The following SOCS2 variants were observed in gnomAD, a reference collection of about 807,000 sequenced individuals.
SOCS2 encodes suppressor of cytokine signaling 2.
SOCS2 carries 10 observed loss-of-function variants against 18.6 expected under a neutral mutation model. That is an observed-to-expected ratio of 0.54 (90% CI 0.33 to 0.91). The LOEUF (loss-of-function observed/expected upper bound fraction) is 0.91, where lower values mean the gene tolerates loss of function less well. SOCS2 is among the 40% of genes least tolerant of loss of function. SOCS2 has a pLI of 0.02. For synonymous variants in SOCS2, 104 were observed against 104.0 expected (o/e 1.00, Z 0.00); for missense variants, 231 against 247.2 (o/e 0.93, Z 0.44).
In SOCS2 at chr12:93,576,732, A is replaced by T. The variant is rs1954471491; in HGVS notation, c.*1553A>T. ...AAATTCAGTTATAAATTGTAATAAA[A>T]CCTGCTTACTGGATATCTTACCTTA... On this transcript the variant is annotated 3_prime_UTR_variant, in exon 2 of 2. Coordinates refer to ENST00000551556, the MANE Select transcript of SOCS2 (RefSeq NM_001270471.2). 6.6e-6 allele frequency: 1 copy of T among 152,238 alleles called. No individual in the cohort carries two copies. Among genetic ancestry groups the T allele is most frequent in the African/African-American group, 2.4e-5 (1 of 41,454 alleles). 9.4% of individuals were successfully genotyped at this position (152,238 alleles called of 1,614,324 possible).
the SOCS2 span, among the ~76,000 whole-genome samples, chr12:93,610,774 C>G: frequency 6.6e-6 from 1 of 152,174 alleles, no homozygotes; most frequent in African/African-American, 2.4e-5. Flanking sequence ...ATCTTTGTAG[C>G]AGAGAATGGA....
At chr12:93,623,423 AT>A in the SOCS2 span, among the ~76,000 whole-genome samples, 3 of 151,944 alleles carry the variant, frequency 2.0e-5, no homozygotes, top group East Asian at 1.9e-4. Context: ...TATTATCATT[AT>A]TTTTTAATTT....
chr12:93,576,258 T>A lies in SOCS2; in HGVS notation c.*1079T>A, dbSNP rs1190816312. ...GTACACTTTCATGGTAATAGAGGAT[T>A]GCCATAAAAACTTACGTCAAGTGAA... is the stretch of plus-strand genomic sequence containing the variant. On this transcript the variant is annotated 3_prime_UTR_variant, in exon 2 of 2. Coordinates refer to ENST00000551556, the MANE Select transcript of SOCS2 (RefSeq NM_001270471.2). 6.6e-6 allele frequency: 1 copy of A among 152,662 alleles called. No individual in the cohort carries two copies. The highest frequency in any genetic ancestry group is 1.5e-5 in the Non-Finnish European group (1 of 68,036). The allele number at this position is 152,662 out of a possible 1,614,324, so 9.5% of individuals were successfully genotyped here.
the SOCS2 span, among the ~76,000 whole-genome samples, chr12:93,611,106 A>G: frequency 6.6e-6 from 1 of 152,172 alleles, no homozygotes; most frequent in Non-Finnish European, 1.5e-5. Context: ...TAGACTGGCC[A>G]GGAGATGAAC....
intron 1 of SOCS2, chr12:93,573,417 G>A (rs41417846): frequency 0.019 from 8,081 of 421,702 alleles, 85 homozygotes; most frequent in Non-Finnish European, 0.025. Flanking sequence ...GGCCCCGCAG[G>A]CCCAGCAGCA....
the SOCS2 span, among the ~76,000 whole-genome samples, chr12:93,623,790 C>T: frequency 5.1e-3 from 776 of 152,226 alleles, 3 homozygotes; most frequent in Middle Eastern, 0.01. Context: ...CTGCAACCTC[C>T]GCCTCCCGAG....
the SOCS2 span, among the ~76,000 whole-genome samples, chr12:93,609,077 T>C: frequency 1.4e-3 from 206 of 150,150 alleles, no homozygotes; most frequent in African/African-American, 4.5e-3. Context: ...CTGGGCAACA[T>C]GGTGACACCC....
chr12:93,609,619 A>G, the SOCS2 span, among the ~76,000 whole-genome samples: 1 of 152,148 alleles, frequency 6.6e-6, no homozygotes, highest in Admixed American at 6.5e-5. Context: ...ATGGGAATAA[A>G]TAAGATCAGA....
the SOCS2 span, among the ~76,000 whole-genome samples, chr12:93,620,906 T>C: frequency 0.017 from 2,529 of 152,352 alleles, 84 homozygotes; most frequent in African/African-American, 0.058. Flanking sequence ...TGCAGATAGA[T>C]GGATACCTTT....
chr12:93,585,416 CT>C (rs1954577820), downstream of SOCS2, among the ~76,000 whole-genome samples: 1 of 152,112 alleles, frequency 6.6e-6, no homozygotes, highest in Non-Finnish European at 1.5e-5. Context: ...TGCCCTGTCA[CT>C]TCTGCTCCTG....
downstream of SOCS2, among the ~76,000 whole-genome samples, chr12:93,586,382 T>C (rs1213864441): frequency 4.6e-5 from 7 of 152,254 alleles, no homozygotes; most frequent in Admixed American, 4.6e-4. Flanking sequence ...TTGAAGCTTT[T>C]CAGGCACATT....
chr12:93,615,457 G>T, the SOCS2 span, among the ~76,000 whole-genome samples: 4 of 152,182 alleles, frequency 2.6e-5, no homozygotes, highest in African/African-American at 9.7e-5. Context: ...CATGGAACTT[G>T]TCCCTCCCAA....
At chr12:93,614,477 T>TC in the SOCS2 span, among the ~76,000 whole-genome samples, 47 of 71,778 alleles carry the variant, frequency 6.5e-4, 3 homozygotes, top group Admixed American at 1.8e-3. Flanking sequence ...CTTCCTTCCT[T>TC]CCTTTCCTTC....
the SOCS2 span, among the ~76,000 whole-genome samples, chr12:93,605,501 T>C: frequency 1.3e-5 from 2 of 152,236 alleles, no homozygotes; most frequent in Non-Finnish European, 2.9e-5. Context: ...GAAATGTTAA[T>C]AGTTGTTGAT....
At chr12:93,581,304 GTCC>G (rs745687034), downstream of SOCS2, among the ~76,000 whole-genome samples, 6 of 152,138 alleles carry the variant, frequency 3.9e-5, no homozygotes, top group Non-Finnish European at 7.3e-5. Context: ...TAGGTATTAT[GTCC>G]TCCTCAATAA....
chr12:93,574,666 T>C, intron 1 of SOCS2, 56 bp from the exon 2 acceptor site: 1 of 1,286,432 alleles, frequency 7.8e-7, no homozygotes, highest in Non-Finnish European at 1.1e-6. Flanking sequence ...GTTCTAAGAA[T>C]TCTTATAATA....
upstream of SOCS2, chr12:93,572,373 C>T: frequency 3.1e-6 from 1 of 318,164 alleles, no homozygotes; most frequent in Non-Finnish European, 6.2e-6. The surrounding 1 kb of genome is among the most constrained non-coding windows in gnomAD (Gnocchi z 5.0). Context: ...ACTGGATCTG[C>T]AGGTGACTAT....
At chr12:93,605,006 A>AC in the SOCS2 span, among the ~76,000 whole-genome samples, 1 of 151,700 alleles carries the variant, frequency 6.6e-6, no homozygotes, top group African/African-American at 2.4e-5. Context: ...GTATAGGGTA[A>AC]AATTTTTAGG....
At chr12:93,623,893 C>T in the SOCS2 span, among the ~76,000 whole-genome samples, 67 of 152,140 alleles carry the variant, frequency 4.4e-4, no homozygotes, top group African/African-American at 1.6e-3. Flanking sequence ...TTAGTAAAGA[C>T]AGGGTTTTGT....
Sources: gnomAD v4.1 joint callset for allele counts (sites outside exome capture counted in the v4.1 genomes callset) on GRCh38, gnomAD v4.1.1 for gene constraint, Gnocchi (gnomAD v3.1) non-coding constraint, MANE v1.5 for transcripts, NCBI Gene and HGNC (gene_info 2026-07-23, HGNC 2026-07-21) for gene names.